TRPC5: variants seen among roughly 807,000 people sequenced by gnomAD.
The protein encoded by TRPC5 is short transient receptor potential channel 5.
TRPC5 carries 9 observed loss-of-function variants against 56.5 expected under a neutral mutation model. The ratio of observed to expected loss-of-function variants is 0.16; its 90% confidence interval spans 0.10 to 0.28. The LOEUF is 0.28. TRPC5 is among the 10% of genes least tolerant of loss of function. TRPC5 has a pLI of 1.00. For synonymous variants in TRPC5, 282 were observed against 278.5 expected, an observed-to-expected ratio of 1.01 and a Z score of -0.13; for missense variants, 469 against 748.9, an observed-to-expected ratio of 0.63 and a Z score of 4.36.
chrX:112,070,708 C>T (rs1041524716), intron 1 of TRPC5, among the ~76,000 whole-genome samples: 2 of 110,259 alleles, frequency 1.8e-5, no homozygotes, highest in African/African-American at 6.7e-5. Flanking sequence ...TTCACTTCTC[C>T]CTTTCCCTGA....
intron 1 of TRPC5, among the ~76,000 whole-genome samples, chrX:112,074,710 C>T (rs912485413): frequency 9.0e-6 from 1 of 111,714 alleles, no homozygotes; most frequent in African/African-American, 3.3e-5. Flanking sequence ...CATCATCCCA[C>T]TCACTTCTGA....
intron 1 of TRPC5, among the ~76,000 whole-genome samples, chrX:112,001,217 G>A (rs760571025): frequency 7.2e-5 from 8 of 111,861 alleles, no homozygotes; most frequent in African/African-American, 2.3e-4. Flanking sequence ...TAAAGAGGCA[G>A]TAGAATGAAG....
At chrX:111,900,417 T>C (rs1306491004) in intron 3 of TRPC5, among the ~76,000 whole-genome samples, 3 of 112,087 alleles carry the variant, frequency 2.7e-5, no homozygotes, top group Non-Finnish European at 5.6e-5. Context: ...ATAGCTACAC[T>C]GATCAGCCAT....
At chrX:111,920,415 A>G (rs182469181) in intron 2 of TRPC5, among the ~76,000 whole-genome samples, 5 of 111,883 alleles carry the variant, frequency 4.5e-5, no homozygotes, top group Admixed American at 3.8e-4. Flanking sequence ...GTACTTTTTA[A>G]TGTTCTACCT....
chrX:112,073,507 C>T (rs1930765338), intron 1 of TRPC5, among the ~76,000 whole-genome samples: 2 of 111,202 alleles, frequency 1.8e-5, no homozygotes, highest in African/African-American at 3.3e-5. Flanking sequence ...TGACCTCAGG[C>T]GATCCATCTG....
In TRPC5 at chrX:111,912,467, C is replaced by T; in HGVS notation, c.724G>A (p.Glu242Lys). Residue 242 changes from glutamate to lysine, a missense_variant, in exon 3 of 11, where the codon GAG (glutamate) becomes AAG (lysine). Glu to Lys is a moderately conservative substitution (Grantham distance 56). This residue lies in a region of TRPC5 where 157 missense variants were observed against 360.0 expected (regional missense o/e 0.44). Coordinates refer to ENST00000262839, the MANE Select transcript of TRPC5 (RefSeq NM_012471.3). ...KVENEFKAEYEELSQQCKLFA... is the reference protein window; with the variant it reads ...KVENEFKAEYKELSQQCKLFA... The stretch of plus-strand genomic sequence containing the variant: ...AGCTTGCACTGCTGAGAGAGCTCCT[C>T]ATACTCGGCCTTGAACTCATTCTCC... 1 of 1,211,644 alleles carries T rather than the reference C, an allele frequency of 8.3e-7. No individual in the cohort carries two copies. The highest frequency in any genetic ancestry group is 1.1e-6 in the Non-Finnish European group (1 of 895,545).
intron 7 of TRPC5, among the ~76,000 whole-genome samples, chrX:111,789,487 T>C (rs1334661350): frequency 8.9e-6 from 1 of 112,027 alleles, no homozygotes; most frequent in Non-Finnish European, 1.9e-5. Context: ...GGCAATACCA[T>C]TCAGGACATA....
chrX:111,873,425 T>C (rs1421736893), intron 3 of TRPC5, among the ~76,000 whole-genome samples: 1 of 111,210 alleles, frequency 9.0e-6, no homozygotes, highest in East Asian at 2.8e-4. Context: ...GATGGGATCA[T>C]TGAGACCCCT....
intron 1 of TRPC5, among the ~76,000 whole-genome samples, chrX:112,054,527 A>G (rs1369574591): frequency 9.0e-6 from 1 of 111,058 alleles, no homozygotes; most frequent in East Asian, 2.9e-4. Flanking sequence ...AACATGGTAT[A>G]CATGGCAGTT....
At chrX:112,017,365 G>A (rs1180048785) in intron 1 of TRPC5, among the ~76,000 whole-genome samples, 1 of 111,124 alleles carries the variant, frequency 9.0e-6, no homozygotes, top group Non-Finnish European at 1.9e-5. Flanking sequence ...GGCAGGTAGA[G>A]AAGCCCAGAG....
intron 1 of TRPC5, among the ~76,000 whole-genome samples, chrX:112,007,892 C>T (rs989011169): frequency 2.7e-5 from 3 of 111,290 alleles, no homozygotes; most frequent in African/African-American, 9.8e-5. Context: ...ACCAGAATGG[C>T]GGAGTTTACC....
chrX:111,865,111 G>T (rs192294545), intron 3 of TRPC5, among the ~76,000 whole-genome samples: 42 of 110,403 alleles, frequency 3.8e-4, no homozygotes, highest in Non-Finnish European at 6.8e-4. Flanking sequence ...CGCCTCCCTG[G>T]CTCAAGCAAT....
chrX:111,884,157 T>A (rs1056978598), intron 3 of TRPC5, among the ~76,000 whole-genome samples: 2 of 112,183 alleles, frequency 1.8e-5, no homozygotes, highest in Non-Finnish European at 3.8e-5. Flanking sequence ...CTGGCTAGAG[T>A]TTTATTAAGG....
intron 2 of TRPC5, among the ~76,000 whole-genome samples, chrX:111,948,597 C>T (rs975030618): frequency 3.7e-5 from 4 of 109,210 alleles, no homozygotes; most frequent in African/African-American, 6.7e-5. Context: ...CCAGGCGTGG[C>T]GGTGTGCACC....
At chrX:112,045,501 T>C (rs1929994751) in intron 1 of TRPC5, among the ~76,000 whole-genome samples, 1 of 112,073 alleles carries the variant, frequency 8.9e-6, no homozygotes, top group South Asian at 3.7e-4. Context: ...TTAAGCAGAA[T>C]TCGTTACAGC....
intron 3 of TRPC5, among the ~76,000 whole-genome samples, chrX:111,886,980 C>G (rs1924536101): frequency 8.9e-6 from 1 of 112,754 alleles, no homozygotes; most frequent in African/African-American, 3.2e-5. Flanking sequence ...CTTCCCCTGC[C>G]AAGTAAATAC....
intron 6 of TRPC5, among the ~76,000 whole-genome samples, chrX:111,842,155 T>TTA (rs1922776387): frequency 1.1e-5 from 1 of 88,991 alleles, no homozygotes; most frequent in African/African-American, 6.6e-5. Context: ...TATGTATATT[T>TTA]TAGATGGAGT....
chrX:111,911,496 G>A (rs1421220802), intron 3 of TRPC5, among the ~76,000 whole-genome samples: 2 of 111,839 alleles, frequency 1.8e-5, no homozygotes, highest in East Asian at 2.8e-4. Flanking sequence ...TGCTTTTTCC[G>A]TGGTATCATG....
intron 3 of TRPC5, among the ~76,000 whole-genome samples, chrX:111,910,908 T>C (rs1925797455): frequency 8.9e-6 from 1 of 112,666 alleles, no homozygotes; most frequent in South Asian, 3.6e-4. Flanking sequence ...TTATTTTATC[T>C]TTACACTTCT....
Sources: gnomAD v4.1 joint callset for allele counts (sites outside exome capture counted in the v4.1 genomes callset) on GRCh38, gnomAD v4.1.1 for gene constraint, gnomAD v4.1.1 regional missense constraint, MANE v1.5 for transcripts, NCBI Gene and HGNC (gene_info 2026-07-23, HGNC 2026-07-21) for gene names.